MYOF: variants seen among roughly 807,000 people sequenced by gnomAD.
The protein encoded by MYOF is myoferlin.
In MYOF, 244 loss-of-function variants were observed where a neutral mutation model predicts 284.2. That is an observed-to-expected ratio of 0.86 (90% CI 0.77 to 0.95). The LOEUF (loss-of-function observed/expected upper bound fraction) is 0.95. Among genes scored for constraint, MYOF ranks in the 40% least tolerant of loss-of-function variants. The pLI, the probability that MYOF is intolerant of heterozygous loss-of-function variation, is 0.00. For missense variants in MYOF, 2,496 were observed against 2,560.6 expected, an observed-to-expected ratio of 0.97 and a Z score of 0.54; for synonymous variants, 904 against 919.7, an observed-to-expected ratio of 0.98 and a Z score of 0.31.
intron 50 of MYOF, among the ~76,000 whole-genome samples, chr10:93,314,920 C>T (rs1027305489): frequency 7.9e-5 from 12 of 152,088 alleles, no homozygotes; most frequent in African/African-American, 1.7e-4. Context: ...CTTGGTGGCA[C>T]GTGTCTGTGG....
Position 93,333,276 on chromosome 10 carries a change from C to A in MYOF, c.4756G>T (p.Val1586Phe). 2 of 1,613,780 alleles carry A rather than the reference C, an allele frequency of 1.2e-6. No individual in the cohort carries two copies. Among genetic ancestry groups the A allele is most frequent in the Non-Finnish European group, 1.7e-6 (2 of 1,179,928 alleles). Residue 1586 changes from valine (V) to phenylalanine (F), a missense_variant, in exon 43 of 54, where the codon GTC becomes TTC. Val to Phe is a conservative substitution (Grantham distance 50). Around this residue, in one of 3 missense-constraint regions of MYOF, gnomAD observed 2,436 missense variants for 2,480.7 expected, o/e 0.98. Transcript: ENST00000359263. Reference sequence around the variant, plus strand: ...ATGTAGTGATCTCGGTCTTCAATGACTTTTTTGCCCAGTGTTATTTTTATG... The same window carrying A: ...ATGTAGTGATCTCGGTCTTCAATGAATTTTTTGCCCAGTGTTATTTTTATG... ...PYIKITLGKK[V>F]IEDRDHYIPN... is the part of the protein sequence containing the mutation.
At chr10:93,461,950 G>A (rs1213705938) in intron 1 of MYOF, among the ~76,000 whole-genome samples, 2 of 152,194 alleles carry the variant, frequency 1.3e-5, no homozygotes, top group Non-Finnish European at 2.9e-5. Flanking sequence ...GCTGAGTCCA[G>A]GCAGATGCCA....
chr10:93,440,827 G>T (rs752542755), intron 3 of MYOF, among the ~76,000 whole-genome samples: 3 of 152,176 alleles, frequency 2.0e-5, no homozygotes, highest in Non-Finnish European at 4.4e-5. Context: ...AGCCTCTCTG[G>T]GTATCTTTCT....
At chr10:93,363,471 G>A (rs539109188) in intron 27 of MYOF, among the ~76,000 whole-genome samples, 1 of 152,164 alleles carries the variant, frequency 6.6e-6, no homozygotes, top group Non-Finnish European at 1.5e-5. Context: ...TTCAAGACCC[G>A]CATGGGCAAC....
In MYOF at chr10:93,355,691, G is replaced by A; in HGVS notation, c.3340C>T (p.Gln1114Ter). 1 of 1,613,440 alleles carries A rather than the reference G, an allele frequency of 6.2e-7. No homozygotes were observed. Among genetic ancestry groups the A allele is most frequent in the Non-Finnish European group, 8.5e-7 (1 of 1,179,538 alleles). The change falls in exon 31 of 54, where the codon CAG becomes TAG. Residue 1114 changes from glutamine to a stop codon, truncating the protein, a stop_gained. Coordinates refer to ENST00000359263, the MANE Select transcript of MYOF (RefSeq NM_013451.4). LOFTEE classifies it high-confidence loss of function. ...EDGDEKSLEKQKHSATTVFGA... is the reference protein window; with the variant it reads ...EDGDEKSLEK ...AACACAGTGGTGGCACTGTGCTTCTGTTTCTCCAGGCTCTTCTCATCCCCA... is the reference window on the plus strand; with the variant it reads ...AACACAGTGGTGGCACTGTGCTTCTATTTCTCCAGGCTCTTCTCATCCCCA...
In MYOF at chr10:93,308,518, G is replaced by A. The variant is rs560982167; in HGVS notation, c.6147+1502C>T. On this transcript the variant is annotated intron_variant, in intron 53 of 53. Coordinates refer to ENST00000359263, the MANE Select transcript of MYOF (RefSeq NM_013451.4). ...GAGAAATGCTTGAACCTGGGAGGCGGAGGTTGCAGTGAGCCGAGATCGTGC... is the reference window on the plus strand; with the variant it reads ...GAGAAATGCTTGAACCTGGGAGGCGAAGGTTGCAGTGAGCCGAGATCGTGC... 8.7e-5 allele frequency among the ~76,000 whole-genome samples: 13 copies of A among 149,652 alleles called. No individual in the cohort carries two copies. In the South Asian group the frequency reaches 1.7e-3, roughly 20 times the overall value.
chr10:93,352,370 A>C (rs566107102), intron 32 of MYOF, among the ~76,000 whole-genome samples: 8 of 152,200 alleles, frequency 5.3e-5, no homozygotes, highest in Non-Finnish European at 1.2e-4. Flanking sequence ...TTTTTATTAT[A>C]GTTGTTTCTA....
At chr10:93,403,783 C>A (rs1847414371) in intron 9 of MYOF, among the ~76,000 whole-genome samples, 1 of 152,160 alleles carries the variant, frequency 6.6e-6, no homozygotes. Flanking sequence ...TTGCTTCCAT[C>A]CAGATACAAC....
At chr10:93,345,776 A>C (rs972520672) in intron 37 of MYOF, among the ~76,000 whole-genome samples, 5 of 152,210 alleles carry the variant, frequency 3.3e-5, no homozygotes, top group African/African-American at 1.2e-4. Flanking sequence ...CTCAACTCTT[A>C]ACCTATCACT....
chr10:93,444,009 C>G, intron 3 of MYOF, among the ~76,000 whole-genome samples: 1 of 152,218 alleles, frequency 6.6e-6, no homozygotes, highest in Non-Finnish European at 1.5e-5. Flanking sequence ...AGTTCCACAT[C>G]TCTCTACAAA....
At chr10:93,474,653 A>G (rs2057220425) in intron 1 of MYOF, among the ~76,000 whole-genome samples, 1 of 152,086 alleles carries the variant, frequency 6.6e-6, no homozygotes, top group Admixed American at 6.6e-5. Context: ...AGGTAAGGAG[A>G]TTTATAGACT....
At chr10:93,307,544 C>T (rs977324815) in intron 53 of MYOF, among the ~76,000 whole-genome samples, 1 of 152,100 alleles carries the variant, frequency 6.6e-6, no homozygotes, top group African/African-American at 2.4e-5. Flanking sequence ...TCGTGATCCG[C>T]CTGCCTCGGC....
intron 31 of MYOF, among the ~76,000 whole-genome samples, chr10:93,354,663 T>TTCTCTCTCTCTCTCTCTCTCTCTC (rs1164929500): frequency 1.3e-4 from 8 of 60,238 alleles, no homozygotes; most frequent in Admixed American, 1.5e-4. Context: ...CACTCACACA[T>TTCTCTCTCTCTCTCTCTCTCTCTC]TCACTCTCTC....
At chr10:93,404,264 C>A in intron 7 of MYOF, 45 bp from the exon 8 acceptor site, 1 of 1,596,746 alleles carries the variant, frequency 6.3e-7, no homozygotes, top group South Asian at 1.1e-5. Flanking sequence ...ACAGGGGATT[C>A]GGGTTAGGGG....
At chr10:93,347,566 A>AAAAATAAAAAAT (rs1554842521) in intron 37 of MYOF, 51 bp downstream of exon 37, 13 of 1,221,922 alleles carry the variant, frequency 1.1e-5, no homozygotes, top group Middle Eastern at 3.0e-4. Context: ...CTCAAAAAAA[A>AAAAATAAAAAAT]AAAAAAAAAA....
intron 5 of MYOF, among the ~76,000 whole-genome samples, chr10:93,413,468 C>A (rs935724981): frequency 1.3e-5 from 2 of 152,210 alleles, no homozygotes; most frequent in South Asian, 4.1e-4. Context: ...GATGTGCAAG[C>A]TGTGTCATGA....
intron 1 of MYOF, among the ~76,000 whole-genome samples, chr10:93,473,466 C>A (rs927338084): frequency 6.6e-6 from 1 of 152,222 alleles, no homozygotes; most frequent in African/African-American, 2.4e-5. Context: ...CTTGCAGCAA[C>A]CCAAAGCCCA....
chr10:93,369,566 A>G, intron 25 of MYOF, 79 bp downstream of exon 25: 1 of 1,585,146 alleles, frequency 6.3e-7, no homozygotes, highest in Non-Finnish European at 8.6e-7. Flanking sequence ...TGGTATGTAA[A>G]TGTTTTCCAT....
intron 3 of MYOF, among the ~76,000 whole-genome samples, chr10:93,438,535 G>A (rs1169403956): frequency 6.6e-6 from 1 of 152,052 alleles, no homozygotes; most frequent in Non-Finnish European, 1.5e-5. Flanking sequence ...TTCCCCAGAC[G>A]TCCCTCACCA....
Sources: allele counts gnomAD v4.1 joint callset (sites outside exome capture counted in the v4.1 genomes callset), GRCh38; gene constraint gnomAD v4.1.1; regional missense constraint gnomAD v4.1.1; transcripts MANE v1.5; gene names NCBI Gene and HGNC (gene_info 2026-07-23, HGNC 2026-07-21).